The following CDK14 variants were observed in gnomAD, a reference collection of about 807,000 sequenced individuals.
CDK14 encodes cyclin dependent kinase 14.
A neutral mutation model predicts 60.7 loss-of-function variants in CDK14; 34 were observed. The ratio of observed to expected loss-of-function variants is 0.56; its 90% CI spans 0.43 to 0.75. The LOEUF (loss-of-function observed/expected upper bound fraction) is 0.75. Among genes scored for constraint, CDK14 ranks in the 30% least tolerant of loss-of-function variants. The probability of loss-of-function intolerance (pLI) is 0.00; values close to 1 mark genes in which losing one functional copy is unlikely to be tolerated. For missense variants in CDK14, 482 were observed against 564.1 expected, an observed-to-expected ratio of 0.85 and a Z score of 1.47; for synonymous variants, 197 against 203.7, an observed-to-expected ratio of 0.97 and a Z score of 0.28.
chr7:91,157,213 C>G (rs1348039965), intron 14 of CDK14, among the ~76,000 whole-genome samples: 3 of 152,152 alleles, frequency 2.0e-5, no homozygotes, highest in African/African-American at 7.2e-5. Context: ...CGTCATGTCT[C>G]CTTAGATTTT....
chr7:90,803,706 A>G (rs972905515), intron 5 of CDK14, among the ~76,000 whole-genome samples: 4 of 152,224 alleles, frequency 2.6e-5, no homozygotes, highest in Admixed American at 6.5e-5. Flanking sequence ...TGTTGTATCT[A>G]AATTGAGAAC....
rs573832926 is a variant in CDK14, at chr7:91,028,264, A to G, written c.1042-17633A>G. Among the ~76,000 whole-genome samples, 90 of 151,962 alleles carry G rather than the reference A, an allele frequency of 5.9e-4. No homozygotes were observed. In the Middle Eastern group the frequency reaches 0.01, roughly 17 times the overall value. The stretch of plus-strand genomic sequence containing the variant: ...TATGGCTCAGTATTCCACGACAGAC[A>G]CACACACACAAACACACATACACAC... On this transcript the variant is annotated intron_variant, in intron 10 of 14. Coordinates refer to ENST00000380050, the MANE Select transcript of CDK14 (RefSeq NM_001287135.2).
intron 10 of CDK14, among the ~76,000 whole-genome samples, chr7:91,039,385 T>C (rs1301286795): frequency 3.3e-5 from 5 of 152,174 alleles, no homozygotes; most frequent in African/African-American, 1.2e-4. Flanking sequence ...TTTCTGTTTA[T>C]TACATGGATG....
At chr7:90,831,911 CA>C (rs1481257865) in intron 5 of CDK14, among the ~76,000 whole-genome samples, 2 of 152,072 alleles carry the variant, frequency 1.3e-5, no homozygotes, top group Admixed American at 1.3e-4. Flanking sequence ...TCTCACAGCA[CA>C]TGAGGTTCCC....
At chr7:90,646,452 C>G (rs17866362) in intron 2 of CDK14, among the ~76,000 whole-genome samples, 13,717 of 151,994 alleles carry the variant, frequency 0.09, 821 homozygotes, top group South Asian at 0.15. Context: ...TTATTCTTTT[C>G]TCTTGTTCTT....
intron 14 of CDK14, among the ~76,000 whole-genome samples, chr7:91,131,810 C>T (rs1274088362): frequency 6.6e-6 from 1 of 152,110 alleles, no homozygotes; most frequent in East Asian, 1.9e-4. Flanking sequence ...TCTTCCTTCC[C>T]CACTGGAATC....
chr7:90,767,917 C>A (rs1285889402), intron 4 of CDK14, among the ~76,000 whole-genome samples: 1 of 152,206 alleles, frequency 6.6e-6, no homozygotes, highest in Non-Finnish European at 1.5e-5. Context: ...TTGATTCTCT[C>A]AACCTGTTGT....
chr7:91,175,990 A>G (rs1218511290), intron 14 of CDK14, among the ~76,000 whole-genome samples: 2 of 152,138 alleles, frequency 1.3e-5, no homozygotes, highest in African/African-American at 2.4e-5. Flanking sequence ...CTCCACCCCA[A>G]ATCAACAGAA....
chr7:91,195,871 C>T (rs1802520172), intron 14 of CDK14, among the ~76,000 whole-genome samples: 1 of 152,220 alleles, frequency 6.6e-6, no homozygotes, highest in East Asian at 1.9e-4. Context: ...AGGCCGTTTA[C>T]TCCACCACCC....
intron 5 of CDK14, among the ~76,000 whole-genome samples, chr7:90,797,380 G>A (rs1380581752): frequency 6.6e-6 from 1 of 151,772 alleles, no homozygotes; most frequent in East Asian, 1.9e-4. Flanking sequence ...TAATCACTTT[G>A]GTTTAGGGTC....
chr7:90,731,076 G>T (rs1355697897), intron 3 of CDK14, among the ~76,000 whole-genome samples: 15 of 152,144 alleles, frequency 9.9e-5, no homozygotes, highest in Non-Finnish European at 1.8e-4. Context: ...CATATGGCTA[G>T]CCAGTTTTCC....
chr7:90,968,752 C>T (rs926819925), intron 9 of CDK14, among the ~76,000 whole-genome samples: 1 of 151,902 alleles, frequency 6.6e-6, no homozygotes, highest in Non-Finnish European at 1.5e-5. Flanking sequence ...ATTTTATAAC[C>T]TCTGAAATTA....
chr7:91,152,948 A>G (rs1800866910), intron 14 of CDK14, among the ~76,000 whole-genome samples: 1 of 152,222 alleles, frequency 6.6e-6, no homozygotes, highest in African/African-American at 2.4e-5. Context: ...AGCCCCAAAT[A>G]GTTTATAGTA....
In CDK14 at chr7:90,797,449, A is replaced by C. The variant is rs145405352; in HGVS notation, c.544+6797A>C. 3.9e-4 allele frequency among the ~76,000 whole-genome samples: 60 copies of C among 152,084 alleles called. No individual in the cohort carries two copies. The East Asian group carries it at 9.1e-3, about 23-fold the overall frequency. ...TTTTGAAGACCCTATCTCCAAATAC[A>C]GTCCTATTCTAAGGTACTAAAGGTC... On this transcript the variant is annotated intron_variant, in intron 5 of 14. Coordinates refer to ENST00000380050, the MANE Select transcript of CDK14 (RefSeq NM_001287135.2).
chr7:90,615,137 A>T (rs1248616902), intron 2 of CDK14, among the ~76,000 whole-genome samples: 1 of 152,010 alleles, frequency 6.6e-6, no homozygotes, highest in East Asian at 1.9e-4. Flanking sequence ...TTGAAAAAAA[A>T]TTTTAAGGTT....
chr7:90,599,013 A>C (rs1281188852), intron 1 of CDK14, among the ~76,000 whole-genome samples: 6 of 152,204 alleles, frequency 3.9e-5, no homozygotes, highest in Admixed American at 3.9e-4. Flanking sequence ...CTATCTAAGG[A>C]TTTTTAAGGC....
intron 4 of CDK14, among the ~76,000 whole-genome samples, chr7:90,755,805 T>A (rs1164933746): frequency 2.0e-5 from 3 of 152,198 alleles, no homozygotes; most frequent in African/African-American, 7.2e-5. Context: ...TTAATTTTCT[T>A]TCCTAAAGAA....
intron 12 of CDK14, among the ~76,000 whole-genome samples, chr7:91,087,097 T>C (rs1441561373): frequency 6.6e-6 from 1 of 152,148 alleles, no homozygotes; most frequent in African/African-American, 2.4e-5. Context: ...AAGAAAGAGA[T>C]GATTTTAACA....
intron 4 of CDK14, among the ~76,000 whole-genome samples, chr7:90,763,206 T>C (rs1215901090): frequency 6.6e-6 from 1 of 152,166 alleles, no homozygotes; most frequent in African/African-American, 2.4e-5. Context: ...TCCACTATGG[T>C]GGTTGTGACT....
Sources: gnomAD v4.1 joint callset for allele counts (sites outside exome capture counted in the v4.1 genomes callset) on GRCh38, gnomAD v4.1.1 for gene constraint, MANE v1.5 for transcripts, NCBI Gene and HGNC (gene_info 2026-07-23, HGNC 2026-07-21) for gene names.